SRPK3: variants seen among roughly 807,000 people sequenced by gnomAD.
SRPK3 encodes SRSF protein kinase 3, also known as SFRS protein kinase 3.
Under a neutral mutation model 45.3 loss-of-function variants are expected in SRPK3, and 26 were observed. The ratio of observed to expected loss-of-function variants is 0.57; its 90% CI spans 0.42 to 0.80. The LOEUF is 0.80. SRPK3 is among the 30% of genes least tolerant of loss of function. The probability of loss-of-function intolerance (pLI) is 0.00; values close to 1 mark genes in which losing one functional copy is unlikely to be tolerated. For synonymous variants in SRPK3, 254 were observed against 226.6 expected (o/e 1.12, Z -1.09); for missense variants, 536 against 514.5 (o/e 1.04, Z -0.40).
Position 153,785,376 on chromosome X carries a change from G to A in SRPK3, c.1560G>A (p.Leu520=), listed in dbSNP as rs782414350. The A allele has an allele frequency of 1.5e-5, 18 of 1,209,502 alleles. No homozygotes were observed. The African/African-American group carries it at 1.9e-4, about 13-fold the overall frequency. ...TCCACAATCTCAAGCACTGGGGCCT[G>A]TACGAGGTACTCATGGAAAAGTACG... ...RHIHNLKHWG[L]YEVLMEKYEW... The change falls in exon 15 of 15, where the codon CTG becomes CTA. Residue 520 remains leucine, a synonymous_variant. Coordinates refer to ENST00000370101, the MANE Select transcript of SRPK3 (RefSeq NM_014370.4).
At chrX:153,783,158 G>GC (rs1365655539) in intron 7 of SRPK3, 40 bp downstream of exon 7, 17 of 1,178,224 alleles carry the variant, frequency 1.4e-5, no homozygotes, top group Non-Finnish European at 1.9e-5. Flanking sequence ...GGGCCTCTGG[G>GC]CCTGAACCCC....
intron 8 of SRPK3, 32 bp downstream of exon 8, chrX:153,783,283 C>G (rs782799190): frequency 8.8e-7 from 1 of 1,141,274 alleles, no homozygotes. Flanking sequence ...TCCCATGCCT[C>G]CTCTCCCATC....
chrX:153,781,683 C>T, intron 3 of SRPK3, 60 bp from the exon 4 acceptor site: 1 of 1,202,803 alleles, frequency 8.3e-7, no homozygotes, highest in Non-Finnish European at 1.1e-6. Context: ...CTTGGGGCCA[C>T]CCTGATCCCC....
Position 153,781,511 on chromosome X carries a change from A to G in SRPK3, c.197A>G (p.Tyr66Cys). Residue 66 changes from tyrosine (Y) to cysteine (C), a missense_variant, in exon 3 of 15, where the codon TAC becomes TGC. Transcript: ENST00000370101. ...EDPKDYCKGGYHPVKIGDVFN... is the reference protein window; with the variant it reads ...EDPKDYCKGGCHPVKIGDVFN... ...CTACATCTCCCCTGGGCAGGCGGCT[A>G]CCACCCTGTGAAGATCGGCGACGTG... 1 of 1,208,730 alleles carries G rather than the reference A, an allele frequency of 8.3e-7. No homozygotes were observed. The highest frequency in any genetic ancestry group is 1.1e-6 in the Non-Finnish European group (1 of 894,073).
intron 7 of SRPK3, 32 bp from the exon 8 acceptor site, chrX:153,783,192 GTC>G (rs1491428311): frequency 8.3e-6 from 8 of 959,813 alleles, no homozygotes; most frequent in Admixed American, 2.6e-5. Context: ...GTTCCTCCCT[GTC>G]CCCCCCCACC....
chrX:153,782,931 G>A, intron 6 of SRPK3, 22 bp from the exon 7 acceptor site: 7 of 1,190,464 alleles, frequency 5.9e-6, no homozygotes, highest in African/African-American at 1.7e-5. Context: ...AGTTGGAGGA[G>A]GTCAGGTGCG....
rs1557068761 is a variant in SRPK3, at chrX:153,785,459, A to T, written c.1643A>T (p.Tyr548Phe). 8.3e-7 allele frequency: 1 copy of T among 1,210,951 alleles called. No homozygotes were observed. The highest frequency in any genetic ancestry group is 2.2e-5 in the Admixed American group (1 of 46,125). ...FSAFLLPMMEYIPEKRASAAD... is the reference protein window; with the variant it reads ...FSAFLLPMMEFIPEKRASAAD... The stretch of plus-strand genomic sequence containing the variant: ...GCCTTTCTGCTGCCCATGATGGAGT[A>T]CATCCCCGAAAAGCGGGCCAGTGCC... The change falls in exon 15 of 15, where the codon TAC (tyrosine) becomes TTC (phenylalanine). Residue 548 changes from tyrosine (Y) to phenylalanine (F), a missense_variant. Transcript: ENST00000370101.
Position 153,784,017 on chromosome X carries a change from T to A in SRPK3, c.951T>A (p.Ser317=), listed in dbSNP as rs2092068796. The part of the protein sequence containing the change: ...RLDGGSGSTS[S]SGCHPGGARA... ...ACGGGGGCAGCGGCTCCACATCCTCTTCAGGCTGTCACCCCGGGGGCGCCA... is the reference window on the plus strand; with the variant it reads ...ACGGGGGCAGCGGCTCCACATCCTCATCAGGCTGTCACCCCGGGGGCGCCA... Residue 317 remains serine (S), a synonymous_variant, in exon 10 of 15, where the codon TCT becomes TCA. Coordinates refer to ENST00000370101, the MANE Select transcript of SRPK3 (RefSeq NM_014370.4). 6 of 1,206,327 alleles carry A rather than the reference T, an allele frequency of 5.0e-6. No individual in the cohort carries two copies. The East Asian group carries it at 1.8e-4, about 36-fold the overall frequency.
At position 153,781,128 on chromosome X, in the gene SRPK3, CGGCGGCAGTAGCAGCAGGTAG is replaced by C; in HGVS notation, c.46_59+7del. 8.7e-7 allele frequency: 1 copy of C among 1,152,049 alleles called. No homozygotes were observed. Among genetic ancestry groups the C allele is most frequent in the Non-Finnish European group, 1.2e-6 (1 of 866,939 alleles). The allele number at this position is 1,152,049 out of a possible 1,213,427, so 94.9% of individuals were successfully genotyped here. ...GCGGTGGTGGGGACAGCGGCGGCAG[CGGCGGCAGTAGCAGCAGGTAG>C]GGCTCGGCTGGGGCACCCGGAGCCC... On this transcript the variant is annotated splice_donor_variant and splice_donor_region_variant and coding_sequence_variant and intron_variant, in exon 1 of 15. Transcript: ENST00000370101. LOFTEE classifies it high-confidence loss of function.
In SRPK3 at chrX:153,785,724, G is replaced by C. The variant is rs781789424; in HGVS notation, c.*204G>C. On this transcript the variant is annotated 3_prime_UTR_variant, in exon 15 of 15. Transcript: ENST00000370101. ...TGTATTCCTTTCTTAATAAAGTGTG[G>C]ACTGAACATCGGTGCCTGGAGTGAG... 1.2e-6 allele frequency: 1 copy of C among 803,086 alleles called. No homozygotes were observed. The highest frequency in any genetic ancestry group is 3.2e-5 in the East Asian group (1 of 31,706). 66.2% of individuals were successfully genotyped at this position (803,086 alleles called of 1,213,427 possible). A position where few individuals can be genotyped will look rare whatever the true frequency, so the allele number is the denominator to read the frequency against.
chrX:153,781,884 G>C (rs1365707190), intron 4 of SRPK3, 54 bp downstream of exon 4: 25 of 1,173,994 alleles, frequency 2.1e-5, no homozygotes, highest in African/African-American at 3.5e-5. Flanking sequence ...CTGGGGCCTG[G>C]CAATGCGGGT....
In SRPK3 at chrX:153,785,573, C is replaced by T. The variant is rs782154029; in HGVS notation, c.*53C>T. The T allele has an allele frequency of 2.6e-6, 3 of 1,155,260 alleles. No individual in the cohort carries two copies. In the Admixed American group the frequency reaches 6.9e-5, roughly 26 times the overall value. The stretch of plus-strand genomic sequence containing the variant: ...TCCGTGCCTTAAGGGAAAAGCGGGA[C>T]AGCTCCCACCACCCTGCTGGGCGCC... On this transcript the variant is annotated 3_prime_UTR_variant, in exon 15 of 15. Transcript: ENST00000370101.
chrX:153,782,711 A>G, intron 5 of SRPK3, 61 bp from the exon 6 acceptor site: 1 of 1,087,570 alleles, frequency 9.2e-7, no homozygotes, highest in Non-Finnish European at 1.2e-6. Context: ...CCCCTAGCTG[A>G]GGGTGGGTGG....
At position 153,781,578 on chromosome X, in the gene SRPK3, C is replaced by A. The variant is rs200221598; in HGVS notation, c.264C>A (p.Gly88=). 4.0e-5 allele frequency: 48 copies of A among 1,209,786 alleles called. No homozygotes were observed. The Admixed American group carries it at 5.4e-4, about 14-fold the overall frequency. The change falls in exon 3 of 15, where the codon GGC becomes GGA. Residue 88 remains glycine (G), a synonymous_variant. Transcript: ENST00000370101. ...ACGTGGTGCGCAAACTGGGCTGGGG[C>A]CACTTCTCCACCGTCTGGCTCTGCT... ...RYHVVRKLGW[G]HFSTVWLCWD...
Position 153,784,081 on chromosome X carries a change from G to C in SRPK3, c.1015G>C (p.Gly339Arg), listed in dbSNP as rs1557068016. ...PSPASSSPAP[G>R]GGRSLSAGSQ... The stretch of plus-strand genomic sequence containing the variant: ...CCCAGCCTCTTCCTCCCCCGCCCCA[G>C]GGGGCGGCCGTAGCCTCAGCGCGGG... The change falls in exon 10 of 15, where the codon GGG becomes CGG. Residue 339 changes from glycine (G) to arginine (R), a missense_variant. Coordinates refer to ENST00000370101, the MANE Select transcript of SRPK3 (RefSeq NM_014370.4). 4 of 1,210,269 alleles carry C rather than the reference G, an allele frequency of 3.3e-6. No homozygotes were observed. The Admixed American group carries it at 6.5e-5, about 20-fold the overall frequency.
chrX:153,783,053 G>A lies in SRPK3; in HGVS notation c.683G>A (p.Arg228Lys), dbSNP rs1051403667. 4.0e-5 allele frequency: 47 copies of A among 1,176,799 alleles called. No homozygotes were observed. The highest frequency in any genetic ancestry group is 5.3e-5 in the African/African-American group (3 of 56,565). The change falls in exon 7 of 15, where the codon AGG (arginine) becomes AAG (lysine). Residue 228 changes from arginine (R) to lysine (K), a missense_variant. Physicochemically the swap from Arg to Lys is conservative, Grantham distance 26. Coordinates refer to ENST00000370101, the MANE Select transcript of SRPK3 (RefSeq NM_014370.4). ...ILLCVGDAYI[R>K]RLAAEATEWQ... is the part of the protein sequence containing the mutation. ...CTGTGTGTGGGGGACGCTTACATCAGGCGCCTGGCTGCCGAGGCCACGGAG... is the reference window on the plus strand; with the variant it reads ...CTGTGTGTGGGGGACGCTTACATCAAGCGCCTGGCTGCCGAGGCCACGGAG...
In SRPK3 at chrX:153,781,115, A is replaced by ACAGAGGCGG; in HGVS notation, c.32_33insAGGCGGCAG (p.Asp10_Ser11insArgGlyGly). On this transcript the variant is annotated inframe_insertion, in exon 1 of 15. Transcript: ENST00000370101. ...AGCGCCAGCACGGGCGGTGGTGGGG[A>ACAGAGGCGG]CAGCGGCGGCAGCGGCGGCAGTAGC... 8.7e-7 allele frequency: 1 copy of ACAGAGGCGG among 1,146,817 alleles called. No individual in the cohort carries two copies. The allele number at this position is 1,146,817 out of a possible 1,213,427, so 94.5% of individuals were successfully genotyped here. A position where few individuals can be genotyped will look rare whatever the true frequency, so the allele number is the denominator to read the frequency against.
chrX:153,781,379 C>T (rs375527117), intron 2 of SRPK3, 33 bp downstream of exon 2: 209 of 1,174,693 alleles, frequency 1.8e-4, no homozygotes, highest in Middle Eastern at 4.8e-4. Flanking sequence ...TGCGGCCTCA[C>T]GGCCACTGCA....
rs2092078518 is a variant in SRPK3, at chrX:153,785,112, G to A, written c.1458G>A (p.Gly486=). The A allele has an allele frequency of 8.3e-7, 1 of 1,211,310 alleles. No homozygotes were observed. The highest frequency in any genetic ancestry group is 1.8e-5 in the South Asian group (1 of 56,993). The stretch of plus-strand genomic sequence containing the variant: ...TCGCTCACATAGTGGAGCTTCTGGG[G>A]GACATCCCCCCAGCCTTCGCCCTCT... ...DHIAHIVELL[G]DIPPAFALSG... Residue 486 remains glycine (G), a synonymous_variant, in exon 14 of 15, where the codon GGG becomes GGA. Coordinates refer to ENST00000370101, the MANE Select transcript of SRPK3 (RefSeq NM_014370.4).
Sources: gnomAD v4.1 joint callset for allele counts on GRCh38, gnomAD v4.1.1 for gene constraint, MANE v1.5 for transcripts, NCBI Gene and HGNC (gene_info 2026-07-23, HGNC 2026-07-21) for gene names.